RBFOX1: variants seen among roughly 807,000 people sequenced by gnomAD.
RBFOX1 encodes RNA binding fox-1 homolog 1, also known as RNA binding protein fox-1 homolog 1.
A neutral mutation model predicts 57.7 loss-of-function variants in RBFOX1; 8 were observed. The ratio of observed to expected loss-of-function variants is 0.14; its 90% CI spans 0.08 to 0.25. RBFOX1 has a LOEUF of 0.25. RBFOX1 is among the 10% of genes least tolerant of loss of function. The pLI is 1.00. For synonymous variants in RBFOX1, 326 were observed against 222.4 expected, an observed-to-expected ratio of 1.47 and a Z score of -4.15; for missense variants, 611 against 548.5, an observed-to-expected ratio of 1.11 and a Z score of -1.14.
intron 4 of RBFOX1, among the ~76,000 whole-genome samples, chr16:7,299,644 T>TAG (rs2095983264): frequency 6.6e-6 from 1 of 152,188 alleles, no homozygotes; most frequent in Non-Finnish European, 1.5e-5. Context: ...TGCTTTTGCC[T>TAG]AGAGAAACTG....
At chr16:7,081,604 G>T (rs895068409) in intron 4 of RBFOX1, among the ~76,000 whole-genome samples, 7 of 152,162 alleles carry the variant, frequency 4.6e-5, no homozygotes, top group African/African-American at 1.7e-4. Flanking sequence ...TTTGTTCATT[G>T]ACTCAGTACA....
intron 4 of RBFOX1, among the ~76,000 whole-genome samples, chr16:7,063,633 C>T (rs2055164797): frequency 6.6e-6 from 1 of 152,132 alleles, no homozygotes; most frequent in Non-Finnish European, 1.5e-5. Flanking sequence ...CCTAGGAATG[C>T]TATTGGCCCT....
intron 1 of RBFOX1, among the ~76,000 whole-genome samples, chr16:5,290,770 C>T (rs1003548606): frequency 6.6e-6 from 1 of 151,310 alleles, no homozygotes; most frequent in African/African-American, 2.4e-5. Context: ...GTGATCTTGG[C>T]TCACTGCAAC....
At chr16:6,210,349 A>AAAACAAAAC (rs2097286348) in intron 1 of RBFOX1, among the ~76,000 whole-genome samples, 1 of 78,048 alleles carries the variant, frequency 1.3e-5, no homozygotes, top group South Asian at 4.7e-4. Context: ...AAAAAACAAA[A>AAAACAAAAC]AAAAAAAACA....
chr16:6,244,632 C>G (rs1458145253), intron 1 of RBFOX1, among the ~76,000 whole-genome samples: 1 of 152,180 alleles, frequency 6.6e-6, no homozygotes, highest in African/African-American at 2.4e-5. Flanking sequence ...GCCTCAGCCT[C>G]CCGAGTAGCT....
At chr16:7,478,670 T>C (rs1420026920) in intron 4 of RBFOX1, among the ~76,000 whole-genome samples, 2 of 152,118 alleles carry the variant, frequency 1.3e-5, no homozygotes, top group Admixed American at 6.5e-5. Flanking sequence ...CTTTCCGCTA[T>C]ATGCAACAAA....
At chr16:5,884,981 G>A (rs1469061733) in intron 4 of RBFOX1, among the ~76,000 whole-genome samples, 1 of 152,192 alleles carries the variant, frequency 6.6e-6, no homozygotes, top group Non-Finnish European at 1.5e-5. Flanking sequence ...CCAGAGGTAG[G>A]GGAACCTAGA....
rs565101039 is a variant in RBFOX1 at position 5,897,191 on chromosome 16, G to T, written c.351+29856G>T. 2.1e-3 allele frequency among the ~76,000 whole-genome samples: 323 copies of T among 151,650 alleles called. 1 individual carries two copies. Among genetic ancestry groups the T allele is most frequent in the African/African-American group, 7.7e-3 (320 of 41,318 alleles). Reference sequence around the variant, plus strand: ...GCTGGGACTACAGGCGCCCGCCACCGCGCCCGGCTAATTTTTTCTATTTTT... The same window carrying T: ...GCTGGGACTACAGGCGCCCGCCACCTCGCCCGGCTAATTTTTTCTATTTTT... On this transcript the variant is annotated intron_variant, in intron 4 of 19. Transcript: ENST00000641259.
chr16:6,883,577 G>C (rs1938336061), intron 3 of RBFOX1, among the ~76,000 whole-genome samples: 1 of 152,188 alleles, frequency 6.6e-6, no homozygotes, highest in African/African-American at 2.4e-5. Context: ...TTACCTTTAA[G>C]AGAAAATATT....
chr16:5,837,106 C>T (rs1194290839), intron 3 of RBFOX1, among the ~76,000 whole-genome samples: 3 of 152,068 alleles, frequency 2.0e-5, no homozygotes, highest in African/African-American at 7.2e-5. Context: ...TTCTAGCCTC[C>T]TTTCCCAACC....
intron 4 of RBFOX1, among the ~76,000 whole-genome samples, chr16:7,299,568 A>T (rs148792241): frequency 9.2e-5 from 14 of 152,302 alleles, no homozygotes; most frequent in Non-Finnish European, 1.5e-4. Context: ...ACTCTGAAAA[A>T]GGAGCGCTGT....
At chr16:7,188,082 A>T (rs77149040) in intron 4 of RBFOX1, among the ~76,000 whole-genome samples, 1,668 of 152,224 alleles carry the variant, frequency 0.011, 32 homozygotes, top group African/African-American at 0.039. Flanking sequence ...CATTTTTTGC[A>T]TGCAATGTGG....
chr16:5,353,417 C>T (rs1175548972), intron 1 of RBFOX1, among the ~76,000 whole-genome samples: 1 of 151,754 alleles, frequency 6.6e-6, no homozygotes, highest in East Asian at 1.9e-4. Context: ...AGTTCCCCAG[C>T]CCTCCCCTCT....
chr16:5,389,552 C>T (rs570116499), intron 1 of RBFOX1, among the ~76,000 whole-genome samples: 2 of 152,290 alleles, frequency 1.3e-5, no homozygotes, highest in African/African-American at 4.8e-5. Context: ...TGTATGTAAC[C>T]ACTCAATCAT....
intron 3 of RBFOX1, among the ~76,000 whole-genome samples, chr16:6,678,032 A>G (rs1330367917): frequency 6.6e-6 from 1 of 152,230 alleles, no homozygotes; most frequent in East Asian, 1.9e-4. Flanking sequence ...AGCTGAGAAG[A>G]AACAGCTGAA....
chr16:6,149,445 C>CTTTG (rs1260054410), intron 1 of RBFOX1, among the ~76,000 whole-genome samples: 1 of 152,204 alleles, frequency 6.6e-6, no homozygotes, highest in Non-Finnish European at 1.5e-5. Context: ...TGCTTTAATG[C>CTTTG]TTTGCTTTTA....
Position 7,492,965 on chromosome 16 carries a change from G to A in RBFOX1, c.28-25182G>A, listed in dbSNP as rs530583513. Among the ~76,000 whole-genome samples the A allele has an allele frequency of 1.6e-3, 242 of 152,160 alleles. 2 individuals are homozygous for A. The highest frequency in any genetic ancestry group is 3.4e-3 in the Admixed American group (52 of 15,276). On this transcript the variant is annotated intron_variant, in intron 4 of 15. Transcript: ENST00000550418. ...GCGATCTCAGCTCACTGCAACCTCC[G>A]CCTCCCAGGTTCAAGCGATTCTCCT...
chr16:6,030,127 C>T (rs1567293259), intron 1 of RBFOX1, among the ~76,000 whole-genome samples: 1 of 152,020 alleles, frequency 6.6e-6, no homozygotes, highest in Non-Finnish European at 1.5e-5. Context: ...GTGATTTCAC[C>T]ATGTTGCCCA....
intron 1 of RBFOX1, among the ~76,000 whole-genome samples, chr16:6,263,790 A>G (rs575562589): frequency 6.6e-6 from 1 of 152,208 alleles, no homozygotes; most frequent in Non-Finnish European, 1.5e-5. Context: ...ATGTCTTCAC[A>G]TTGGAAGCAC....
Sources: gnomAD v4.1 joint callset for allele counts (sites outside exome capture counted in the v4.1 genomes callset) on GRCh38, gnomAD v4.1.1 for gene constraint, MANE v1.5 for transcripts, NCBI Gene and HGNC (gene_info 2026-07-23, HGNC 2026-07-21) for gene names.